Variants in SCAF11 observed in about 807,000 individuals in gnomAD.
SCAF11 encodes the protein protein SCAF11.
Under a neutral mutation model 140.5 loss-of-function variants are expected in SCAF11, and 47 were observed. The observed-to-expected ratio is 0.33, with a 90% CI of 0.26 to 0.43. The LOEUF is 0.43. SCAF11 is among the 20% of genes least tolerant of loss of function. The pLI, the probability that SCAF11 is intolerant of heterozygous loss-of-function variation, is 1.00. For missense variants in SCAF11, 1,645 were observed against 1,705.1 expected, an observed-to-expected ratio of 0.96 and a Z score of 0.62; for synonymous variants, 557 against 579.4, an observed-to-expected ratio of 0.96 and a Z score of 0.55.
chr12:45,927,138 T>C lies in SCAF11; in HGVS notation c.2563A>G (p.Ile855Val), dbSNP rs1435835751. ...TGAGATTGCCTCCTTTCTCTTGCAA[T>C]ATCCTTTTTTGGGGACTGAGAACGG... is the stretch of plus-strand genomic sequence containing the variant. ...KSRSQSPKKD[I>V]ARERRQSQSR... The change falls in exon 11 of 15, where the codon ATT becomes GTT. Residue 855 changes from isoleucine (I) to valine (V), a missense_variant. Ile to Val is a conservative substitution (Grantham distance 29). Transcript: ENST00000369367. The C allele has an allele frequency of 6.2e-7, 1 of 1,614,178 alleles. No homozygotes were observed. Among genetic ancestry groups the C allele is most frequent in the East Asian group, 2.2e-5 (1 of 44,884 alleles).
rs752248430 is a variant in SCAF11, at chr12:45,933,140, C to T, written c.725G>A (p.Gly242Glu). ...AATTTTTTATTTTTACCTTCCAATT[C>T]CAGGTAATGTATCAGGAAACCATGA... ...ELSWFPDTLP[G>E]IGRIGFIPWN... The change falls in exon 9 of 15, where the codon GGA (glycine) becomes GAA (glutamate). Residue 242 changes from glycine to glutamate, a missense_variant. Gly to Glu is a moderately conservative substitution (Grantham distance 98). Transcript: ENST00000369367. The T allele has an allele frequency of 3.7e-6, 6 of 1,606,290 alleles. No individual in the cohort carries two copies. In the South Asian group the frequency reaches 5.5e-5, roughly 15 times the overall value.
chr12:45,936,784 A>G (rs990145302), intron 6 of SCAF11, among the ~76,000 whole-genome samples: 3 of 152,240 alleles, frequency 2.0e-5, no homozygotes, highest in Admixed American at 6.5e-5. Context: ...TCCATTTACT[A>G]TCTCATTTAG....
intron 1 of SCAF11, among the ~76,000 whole-genome samples, chr12:45,965,070 G>T (rs1024211903): frequency 6.6e-6 from 1 of 152,138 alleles, no homozygotes; most frequent in Non-Finnish European, 1.5e-5. Flanking sequence ...GCAGAGCAAT[G>T]TAAATCAAGT....
intron 1 of SCAF11, among the ~76,000 whole-genome samples, chr12:45,986,699 A>C (rs1230296988): frequency 2.0e-5 from 3 of 152,168 alleles, no homozygotes; most frequent in African/African-American, 7.2e-5. Context: ...TTGTGGGAGC[A>C]ACCTGTTGGG....
At chr12:45,984,020 T>A (rs1946405860) in intron 1 of SCAF11, among the ~76,000 whole-genome samples, 1 of 152,196 alleles carries the variant, frequency 6.6e-6, no homozygotes, top group Admixed American at 6.5e-5. Context: ...CAAAAAGGAA[T>A]AAGTATAAAC....
Position 45,928,448 on chromosome 12 carries a change from A to C in SCAF11, c.1253T>G (p.Val418Gly). 1.2e-6 allele frequency: 2 copies of C among 1,612,440 alleles called. No individual in the cohort carries two copies. Among genetic ancestry groups the C allele is most frequent in the Non-Finnish European group, 8.5e-7 (1 of 1,178,746 alleles). ...EETAESDTSP[V>G]LEKEHQPDVD... ...ATCTGGTTGGTGCTCTTTTTCTAAC[A>C]CAGGTGATGTGTCAGATTCTGCTGT... Residue 418 changes from valine (V) to glycine (G), a missense_variant, in exon 11 of 15, where the codon GTG becomes GGG. By Grantham distance (109) the Val-to-Gly change is moderately radical. Transcript: ENST00000369367.
intron 3 of SCAF11, chr12:45,960,888 ATCT>A (rs1396671090): frequency 6.5e-6 from 1 of 153,994 alleles, no homozygotes; most frequent in African/African-American, 2.4e-5. Context: ...TTAAGATATT[ATCT>A]TCTTTACTAA....
At chr12:45,939,917 A>C (rs1052860657) in intron 6 of SCAF11, among the ~76,000 whole-genome samples, 8 of 152,224 alleles carry the variant, frequency 5.3e-5, no homozygotes, top group African/African-American at 1.9e-4. Flanking sequence ...CAATTTGCAC[A>C]ATCCCCCACT....
intron 6 of SCAF11, among the ~76,000 whole-genome samples, chr12:45,942,604 C>T (rs1009681812): frequency 1.3e-5 from 2 of 152,204 alleles, no homozygotes; most frequent in Non-Finnish European, 2.9e-5. Flanking sequence ...TCTTTGGAGA[C>T]ATTCCAAGAA....
intron 9 of SCAF11, among the ~76,000 whole-genome samples, chr12:45,932,802 G>A (rs924130786): frequency 3.7e-4 from 57 of 152,200 alleles, no homozygotes; most frequent in African/African-American, 1.2e-3. Context: ...CGGACAGCAC[G>A]CAGGTAAGAC....
chr12:45,928,766 C>T lies in SCAF11; in HGVS notation c.935G>A (p.Arg312Gln), dbSNP rs761001658. 7.4e-6 allele frequency: 12 copies of T among 1,613,476 alleles called. No individual in the cohort carries two copies. Among genetic ancestry groups the T allele is most frequent in the South Asian group, 3.3e-5 (3 of 91,082 alleles). ...SGTSNTRGSR[R>Q]KPAMTTPTRR... ...TGTAGGAGTTGTCATTGCAGGTTTTCGTCTTGATCCTCTGGTATTTGATGT... is the reference window on the plus strand; with the variant it reads ...TGTAGGAGTTGTCATTGCAGGTTTTTGTCTTGATCCTCTGGTATTTGATGT... Residue 312 changes from arginine (R) to glutamine (Q), a missense_variant, in exon 11 of 15, where the codon CGA becomes CAA. Around this residue, in one of 2 missense-constraint regions of SCAF11, gnomAD observed 1,582 missense variants for 1,609.2 expected, o/e 0.98. Transcript: ENST00000369367.
intron 3 of SCAF11, among the ~76,000 whole-genome samples, chr12:45,957,750 A>T (rs1945726562): frequency 6.6e-6 from 1 of 152,198 alleles, no homozygotes; most frequent in Admixed American, 6.5e-5. Context: ...TATCAAGAAC[A>T]TCCTCATCAC....
intron 1 of SCAF11, among the ~76,000 whole-genome samples, chr12:45,973,694 T>A (rs1946168258): frequency 6.6e-6 from 1 of 152,126 alleles, no homozygotes; most frequent in Admixed American, 6.6e-5. Context: ...GGGAACAACA[T>A]CCTTCAAATG....
chr12:45,934,719 T>C (rs921316156), intron 6 of SCAF11, among the ~76,000 whole-genome samples: 12 of 152,194 alleles, frequency 7.9e-5, no homozygotes, highest in Non-Finnish European at 1.3e-4. Context: ...AAGGCCACAA[T>C]ACAGAAACTG....
At chr12:45,931,313 T>C (rs1318868743) in intron 10 of SCAF11, 193 bp downstream of exon 10, 1 of 335,782 alleles carries the variant, frequency 3.0e-6, no homozygotes, top group Non-Finnish European at 5.5e-6. Flanking sequence ...TGTATCTATC[T>C]ATCTATATAT....
At chr12:45,944,526 C>A (rs981934149) in intron 6 of SCAF11, among the ~76,000 whole-genome samples, 2 of 152,152 alleles carry the variant, frequency 1.3e-5, no homozygotes, top group Admixed American at 1.3e-4. Context: ...CTAGTTCTAG[C>A]TGTAAGTGGA....
At position 45,933,126 on chromosome 12, in the gene SCAF11, T is replaced by A; in HGVS notation, c.734+5A>T. On this transcript the variant is annotated splice_donor_5th_base_variant and intron_variant, in intron 9 of 14. Transcript: ENST00000369367. Reference sequence around the variant, plus strand: ...ACACCTGAGTAAATAATTTTTTATTTTTACCTTCCAATTCCAGGTAATGTA... The same window carrying A: ...ACACCTGAGTAAATAATTTTTTATTATTACCTTCCAATTCCAGGTAATGTA... The A allele has an allele frequency of 6.3e-7, 1 of 1,598,046 alleles. No homozygotes were observed.
intron 10 of SCAF11, chr12:45,929,088 A>C (rs972557566): frequency 3.3e-6 from 1 of 301,452 alleles, no homozygotes; most frequent in Non-Finnish European, 5.9e-6. Flanking sequence ...CAAATGGGCA[A>C]TTTTATAGAG....
At position 45,931,549 on chromosome 12, in the gene SCAF11, T is replaced by G; in HGVS notation, c.798A>C (p.Pro266=). The G allele has an allele frequency of 6.6e-7, 1 of 1,517,216 alleles. No individual in the cohort carries two copies. Among genetic ancestry groups the G allele is most frequent in the Non-Finnish European group, 8.8e-7 (1 of 1,138,378 alleles). The allele number at this position is 1,517,216 out of a possible 1,614,324, so 94.0% of individuals were successfully genotyped here. The part of the protein sequence containing the change: ...EVLPLISSVL[P]RTIFPTSTIS... ...TGGTACTTGTTGGAAAAATAGTTCT[T>G]GGCAACACAGAAGAAATGAGAGGAA... Residue 266 remains proline, a synonymous_variant, in exon 10 of 15, where the codon CCA becomes CCC. Coordinates refer to ENST00000369367, the MANE Select transcript of SCAF11 (RefSeq NM_004719.3).
Sources: gnomAD v4.1 joint callset for allele counts (sites outside exome capture counted in the v4.1 genomes callset) on GRCh38, gnomAD v4.1.1 for gene constraint, gnomAD v4.1.1 regional missense constraint, MANE v1.5 for transcripts, NCBI Gene and HGNC (gene_info 2026-07-23, HGNC 2026-07-21) for gene names.